The following BOC variants were observed in gnomAD, a reference collection of about 807,000 sequenced individuals.
BOC encodes BOC cell adhesion associated, oncogene regulated, also known as brother of CDO.
BOC carries 76 observed loss-of-function variants against 112.0 expected under a neutral mutation model. The ratio of observed to expected loss-of-function variants is 0.68; its 90% CI spans 0.56 to 0.82. The LOEUF is 0.82. BOC is among the 40% of genes least tolerant of loss of function. The pLI is 0.00. For missense variants in BOC, 1,309 were observed against 1,511.7 expected (o/e 0.87, Z 2.22); for synonymous variants, 580 against 599.8 (o/e 0.97, Z 0.48).
At chr3:113,213,799 A>G (rs1938754524) in intron 1 of BOC, among the ~76,000 whole-genome samples, 1 of 152,222 alleles carries the variant, frequency 6.6e-6, no homozygotes, top group Admixed American at 6.5e-5. Context: ...TTTTCCTGCT[A>G]TGAGTTTTTC....
chr3:113,218,340 A>C (rs778579720), intron 2 of BOC, among the ~76,000 whole-genome samples: 1 of 152,188 alleles, frequency 6.6e-6, no homozygotes, highest in Non-Finnish European at 1.5e-5. Context: ...TAGCAGGTTT[A>C]TTAGGTGTGG....
chr3:113,272,373 C>T, intron 6 of BOC, 37 bp from the exon 7 acceptor site: 1 of 1,600,002 alleles, frequency 6.2e-7, no homozygotes, highest in Non-Finnish European at 8.5e-7. Flanking sequence ...CATCCTGGTC[C>T]ACACGCCTTC....
chr3:113,213,478 A>G (rs975657460), intron 1 of BOC, among the ~76,000 whole-genome samples: 2 of 152,192 alleles, frequency 1.3e-5, no homozygotes, highest in African/African-American at 4.8e-5. Flanking sequence ...CCCTTTGGTT[A>G]CAGCCAATAA....
chr3:113,218,968 A>G (rs923536193), intron 2 of BOC, among the ~76,000 whole-genome samples: 9 of 152,222 alleles, frequency 5.9e-5, no homozygotes, highest in African/African-American at 1.9e-4. Flanking sequence ...TGCATTGGCA[A>G]CCAGTCCCTT....
At chr3:113,264,181 G>A (rs1389176406) in intron 4 of BOC, among the ~76,000 whole-genome samples, 2 of 152,230 alleles carry the variant, frequency 1.3e-5, no homozygotes, top group Non-Finnish European at 2.9e-5. Flanking sequence ...CAAAGACCAG[G>A]ACTTCTGACC....
intron 4 of BOC, among the ~76,000 whole-genome samples, chr3:113,256,700 C>T (rs2107483787): frequency 6.6e-6 from 1 of 152,194 alleles, no homozygotes; most frequent in South Asian, 2.1e-4. Context: ...ATATTTCTAG[C>T]TTCCTTTATC....
rs182434998 is a variant in BOC, at chr3:113,231,383, A to G, written c.-82+15109A>G. 2.6e-3 allele frequency among the ~76,000 whole-genome samples: 391 copies of G among 152,354 alleles called. 2 individuals carry two copies. The highest frequency in any genetic ancestry group is 4.5e-3 in the Non-Finnish European group (305 of 68,034). ...GATAACTACACACCACATATTCATA[A>G]GTAACTTTTTTAAATTATAAAATGG... On this transcript the variant is annotated intron_variant, in intron 2 of 19. Coordinates refer to ENST00000682979, the MANE Select transcript of BOC (RefSeq NM_001378074.1).
In BOC at chr3:113,279,988, A is replaced by G. The variant is rs754765249; in HGVS notation, c.2188A>G (p.Ile730Val). ...TFTDAVNETTIMLKWMYIPAS... is the reference protein window; with the variant it reads ...TFTDAVNETTVMLKWMYIPAS... ...CACGGATGCGGTCAATGAGACCACC[A>G]TCATGCTCAAGTGGATGGTAAGCGG... is the stretch of plus-strand genomic sequence containing the variant. Residue 730 changes from isoleucine (I) to valine (V), a missense_variant, in exon 13 of 20, where the codon ATC becomes GTC. Ile to Val is a conservative substitution (Grantham distance 29). Coordinates refer to ENST00000682979, the MANE Select transcript of BOC (RefSeq NM_001378074.1). 1 of 1,609,874 alleles carries G rather than the reference A, an allele frequency of 6.2e-7. No homozygotes were observed. The highest frequency in any genetic ancestry group is 8.5e-7 in the Non-Finnish European group (1 of 1,177,684).
chr3:113,243,762 C>A (rs1480686941), intron 2 of BOC, among the ~76,000 whole-genome samples: 1 of 152,230 alleles, frequency 6.6e-6, no homozygotes, highest in Non-Finnish European at 1.5e-5. Flanking sequence ...GGCCCAGTTT[C>A]AAATCCCATT....
At chr3:113,237,240 C>T (rs571087564) in intron 2 of BOC, among the ~76,000 whole-genome samples, 67 of 152,270 alleles carry the variant, frequency 4.4e-4, no homozygotes, top group African/African-American at 1.5e-3. Context: ...AGCAGCCAGC[C>T]GTGGGCTCAG....
intron 2 of BOC, among the ~76,000 whole-genome samples, chr3:113,246,304 C>T (rs1050139482): frequency 1.3e-5 from 2 of 152,018 alleles, no homozygotes; most frequent in African/African-American, 4.8e-5. Context: ...TCTGCTTTGT[C>T]TCAGAAAATG....
At chr3:113,271,136 A>G (rs1948073699) in intron 6 of BOC, 192 bp downstream of exon 6, 1 of 774,648 alleles carries the variant, frequency 1.3e-6, no homozygotes, top group South Asian at 1.5e-5. Context: ...CAGGGCCAGC[A>G]TCTCACAGCA....
At chr3:113,256,517 C>A (rs1353629216) in intron 4 of BOC, among the ~76,000 whole-genome samples, 1 of 152,208 alleles carries the variant, frequency 6.6e-6, no homozygotes, top group African/African-American at 2.4e-5. Context: ...ACAGGCTGGG[C>A]TGACCCTGGC....
At chr3:113,238,125 T>C (rs1001125009) in intron 2 of BOC, among the ~76,000 whole-genome samples, 1 of 152,078 alleles carries the variant, frequency 6.6e-6, no homozygotes, top group African/African-American at 2.4e-5. Context: ...GAGGTGACAT[T>C]TGAGGTAAGA....
At chr3:113,271,125 T>C in intron 6 of BOC, 181 bp downstream of exon 6, 1 of 853,898 alleles carries the variant, frequency 1.2e-6, no homozygotes, top group South Asian at 1.4e-5. Context: ...CTGGCCGGCC[T>C]CAGGGCCAGC....
rs1478966492 is a variant in BOC, at chr3:113,279,806, G to A, written c.2024-18G>A. 1.3e-5 allele frequency: 20 copies of A among 1,589,884 alleles called. No homozygotes were observed. Among genetic ancestry groups the A allele is most frequent in the Middle Eastern group, 3.4e-4 (2 of 5,938 alleles). ...GTATTTCCCAGCTCCTGAGTTCAGT[G>A]AGTGTCCCTCTCACCAGGCACCTCC... On this transcript the variant is annotated intron_variant, in intron 12 of 19. Coordinates refer to ENST00000682979, the MANE Select transcript of BOC (RefSeq NM_001378074.1).
intron 9 of BOC, among the ~76,000 whole-genome samples, chr3:113,275,894 C>A (rs1948613648): frequency 6.6e-6 from 1 of 152,158 alleles, no homozygotes; most frequent in Admixed American, 6.5e-5. Flanking sequence ...CTGGGGTTGT[C>A]AGAAAGACAC....
Position 113,273,350 on chromosome 3 carries a change from A to G in BOC, c.1234+9A>G. 1 of 1,575,668 alleles carries G rather than the reference A, an allele frequency of 6.3e-7. No homozygotes were observed. Among genetic ancestry groups the G allele is most frequent in the Non-Finnish European group, 8.7e-7 (1 of 1,152,468 alleles). ...GCGGACCTCCAGGCCAAGTGAGTGTAGCCCAGGGGTCTGAGATTCCAGCTG... is the reference window on the plus strand; with the variant it reads ...GCGGACCTCCAGGCCAAGTGAGTGTGGCCCAGGGGTCTGAGATTCCAGCTG... On this transcript the variant is annotated intron_variant, in intron 8 of 19. Transcript: ENST00000682979.
At chr3:113,255,775 G>A (rs536730133) in intron 4 of BOC, among the ~76,000 whole-genome samples, 3 of 152,160 alleles carry the variant, frequency 2.0e-5, no homozygotes, top group African/African-American at 4.8e-5. Context: ...AGTCCCCCTC[G>A]CCACTCAACC....
Sources: allele counts gnomAD v4.1 joint callset (sites outside exome capture counted in the v4.1 genomes callset), GRCh38; gene constraint gnomAD v4.1.1; transcripts MANE v1.5; gene names NCBI Gene and HGNC (gene_info 2026-07-23, HGNC 2026-07-21).